Variants in TAFA5 observed in about 807,000 individuals in gnomAD.
The protein encoded by TAFA5 is TAFA chemokine like family member 5.
Under a neutral mutation model 15.3 loss-of-function variants are expected in TAFA5, and 6 were observed. That is an observed-to-expected ratio of 0.39 (90% confidence interval 0.21 to 0.77). TAFA5 has a LOEUF of 0.77. TAFA5 is among the 30% of genes least tolerant of loss of function. The pLI is 0.41. For synonymous variants in TAFA5, 103 were observed against 80.7 expected, an observed-to-expected ratio of 1.28 and a Z score of -1.48; for missense variants, 161 against 193.1, an observed-to-expected ratio of 0.83 and a Z score of 0.98.
intron 1 of TAFA5, among the ~76,000 whole-genome samples, chr22:48,529,311 GGGGTGTCCAGGCAGGAGATGA>G (rs1420476006): frequency 2.8e-5 from 2 of 71,428 alleles, no homozygotes; most frequent in Admixed American, 2.7e-4. Context: ...GCAGGAGATG[GGGGTGTCCAGGCAGGAGATGA>G]GGGTGTCCAG....
chr22:48,589,863 A>G (rs1317294031), intron 1 of TAFA5, among the ~76,000 whole-genome samples: 1 of 152,166 alleles, frequency 6.6e-6, no homozygotes, highest in Non-Finnish European at 1.5e-5. Flanking sequence ...TCTGCCCTCC[A>G]GAACTGTGAG....
chr22:48,526,539 G>A (rs765904311), intron 1 of TAFA5, among the ~76,000 whole-genome samples: 12 of 152,312 alleles, frequency 7.9e-5, no homozygotes, highest in South Asian at 6.2e-4. Flanking sequence ...TTAACTCTGC[G>A]TGCCGGCCTC....
At chr22:48,570,754 G>C (rs1282930819) in intron 1 of TAFA5, among the ~76,000 whole-genome samples, 1 of 152,140 alleles carries the variant, frequency 6.6e-6, no homozygotes, top group Non-Finnish European at 1.5e-5. Flanking sequence ...ATTAATTTGT[G>C]TACATGTTGG....
At chr22:48,621,181 A>AC (rs1925823127) in intron 1 of TAFA5, among the ~76,000 whole-genome samples, 1 of 22,670 alleles carries the variant, frequency 4.4e-5, no homozygotes, top group Non-Finnish European at 7.6e-5. Context: ...CACACTATCC[A>AC]CCCCCCCACC....
At chr22:48,589,594 G>C (rs1329939565) in intron 1 of TAFA5, among the ~76,000 whole-genome samples, 2 of 152,204 alleles carry the variant, frequency 1.3e-5, no homozygotes, top group Non-Finnish European at 2.9e-5. Context: ...TGGAAAAAGG[G>C]CCTTTGCAGA....
At chr22:48,595,439 T>G (rs565541955) in intron 1 of TAFA5, among the ~76,000 whole-genome samples, 1 of 151,880 alleles carries the variant, frequency 6.6e-6, no homozygotes, top group East Asian at 1.9e-4. Context: ...GTGGAAGAGG[T>G]CGGGGAAGTG....
chr22:48,675,956 A>G (rs130094), intron 2 of TAFA5, among the ~76,000 whole-genome samples: 135,269 of 152,340 alleles, frequency 0.89, 60,353 homozygotes, highest in East Asian at 1. Context: ...TCAGGAGCAG[A>G]GAGTTGGCGC....
At position 48,653,268 on chromosome 22, in the gene TAFA5, CG is replaced by C. The variant is rs561725254; in HGVS notation, c.262+6525del. Among the ~76,000 whole-genome samples the C allele has an allele frequency of 3.6e-3, 546 of 152,320 alleles. 3 individuals are homozygous for C. Among genetic ancestry groups the C allele is most frequent in the African/African-American group, 0.013 (524 of 41,572 alleles). On this transcript the variant is annotated intron_variant, in intron 2 of 3. Transcript: ENST00000402357. ...ATGGGGTTGGAGATGCCCTGGGATG[CG>C]GGCACCATGTCCCTCAGTTCTGAGC...
At chr22:48,679,075 T>C (rs374695667) in intron 2 of TAFA5, among the ~76,000 whole-genome samples, 5 of 62,708 alleles carry the variant, frequency 8.0e-5, no homozygotes, top group African/African-American at 1.2e-4. Context: ...CCCGTCTCCC[T>C]GTCCATCCCT....
chr22:48,673,131 C>T (rs772547090), intron 2 of TAFA5, among the ~76,000 whole-genome samples: 9 of 152,150 alleles, frequency 5.9e-5, no homozygotes, highest in Admixed American at 4.6e-4. Context: ...ATATCGGTCT[C>T]GTTGTTCAAG....
chr22:48,617,817 T>C (rs977383773), intron 1 of TAFA5, among the ~76,000 whole-genome samples: 4 of 148,302 alleles, frequency 2.7e-5, no homozygotes, highest in African/African-American at 1.0e-4. Flanking sequence ...GCCCTGGGGT[T>C]GAGTCCCCTC....
chr22:48,729,681 A>T (rs1217344554), intron 3 of TAFA5, among the ~76,000 whole-genome samples: 9 of 147,318 alleles, frequency 6.1e-5, no homozygotes, highest in Non-Finnish European at 7.5e-5. Flanking sequence ...ATAAATTTAT[A>T]AGTTTATATT....
At chr22:48,652,999 G>A (rs1927109445) in intron 2 of TAFA5, among the ~76,000 whole-genome samples, 1 of 152,228 alleles carries the variant, frequency 6.6e-6, no homozygotes, top group South Asian at 2.1e-4. Context: ...AGAAGCTGTG[G>A]GTGCTGGTGT....
At chr22:48,600,380 T>A (rs1174605715) in intron 1 of TAFA5, among the ~76,000 whole-genome samples, 1 of 152,132 alleles carries the variant, frequency 6.6e-6, no homozygotes, top group Non-Finnish European at 1.5e-5. Context: ...CCAGCGGGGA[T>A]CAGAGTGGAG....
chr22:48,695,043 C>T (rs1234304989), intron 2 of TAFA5, among the ~76,000 whole-genome samples: 2 of 151,918 alleles, frequency 1.3e-5, no homozygotes, highest in African/African-American at 4.8e-5. Context: ...GGACTTACTG[C>T]CTGTGGGTTC....
At chr22:48,646,010 C>A (rs1427972391) in intron 1 of TAFA5, among the ~76,000 whole-genome samples, 1 of 152,174 alleles carries the variant, frequency 6.6e-6, no homozygotes. Context: ...AATCCTGAAC[C>A]CTTTGGCATC....
At chr22:48,684,195 G>A (rs1928283752) in intron 2 of TAFA5, among the ~76,000 whole-genome samples, 1 of 152,112 alleles carries the variant, frequency 6.6e-6, no homozygotes, top group African/African-American at 2.4e-5. Flanking sequence ...AGAAGTGCGT[G>A]GGGATGGCTT....
intron 1 of TAFA5, among the ~76,000 whole-genome samples, chr22:48,606,120 C>T (rs1925185382): frequency 6.6e-6 from 1 of 152,140 alleles, no homozygotes; most frequent in South Asian, 2.1e-4. Flanking sequence ...CCCCAAGAGC[C>T]CCATGAGAGT....
chr22:48,722,602 G>A (rs1320826547), intron 3 of TAFA5, among the ~76,000 whole-genome samples: 2 of 152,196 alleles, frequency 1.3e-5, no homozygotes, highest in East Asian at 1.9e-4. Context: ...AATACCTAAT[G>A]TAAGTGACAG....
Sources: allele counts gnomAD v4.1 joint callset (sites outside exome capture counted in the v4.1 genomes callset), GRCh38; gene constraint gnomAD v4.1.1; transcripts MANE v1.5; gene names NCBI Gene and HGNC (gene_info 2026-07-23, HGNC 2026-07-21).